Variants in SUMF1 observed in about 807,000 individuals in gnomAD.
SUMF1 encodes sulfatase modifying factor 1.
SUMF1 carries 48 observed loss-of-function variants against 47.6 expected under a neutral mutation model. The ratio of observed to expected loss-of-function variants is 1.01; its 90% CI spans 0.80 to 1.28. SUMF1 has a LOEUF of 1.28. Ranked by LOEUF, SUMF1 falls within the 50% of genes most tolerant of loss-of-function variation. The probability of loss-of-function intolerance (pLI) is 0.00; values close to 1 mark genes in which losing one functional copy is unlikely to be tolerated. For missense variants in SUMF1, 571 were observed against 485.4 expected, an observed-to-expected ratio of 1.18 and a Z score of -1.66; for synonymous variants, 230 against 192.1, an observed-to-expected ratio of 1.20 and a Z score of -1.63.
chr3:4,338,666 C>T (rs1454947286), intron 8 of SUMF1, among the ~76,000 whole-genome samples: 1 of 151,952 alleles, frequency 6.6e-6, no homozygotes, highest in African/African-American at 2.4e-5. Flanking sequence ...AAGGGAAAAA[C>T]CAAAACAAAA....
intron 8 of SUMF1, among the ~76,000 whole-genome samples, chr3:4,277,022 T>C (rs1052882170): frequency 3.3e-5 from 5 of 152,186 alleles, no homozygotes; most frequent in Admixed American, 2.6e-4. Flanking sequence ...CACATCATTT[T>C]AGATCTGGAA....
chr3:4,190,270 T>C (rs1695286900), intron 8 of SUMF1, among the ~76,000 whole-genome samples: 1 of 151,902 alleles, frequency 6.6e-6, no homozygotes, highest in Non-Finnish European at 1.5e-5. Flanking sequence ...GTGAAAACTA[T>C]ATTACATGGC....
intron 8 of SUMF1, among the ~76,000 whole-genome samples, chr3:4,273,293 T>C (rs1239025108): frequency 6.6e-6 from 1 of 152,062 alleles, no homozygotes; most frequent in African/African-American, 2.4e-5. Flanking sequence ...AATTTGTGAA[T>C]GGACAAACAA....
intron 3 of SUMF1, among the ~76,000 whole-genome samples, chr3:4,446,371 C>T (rs187209767): frequency 1.8e-4 from 27 of 152,196 alleles, no homozygotes; most frequent in East Asian, 3.8e-4. Flanking sequence ...CCACGTAAAA[C>T]GTGCATTTGT....
At chr3:4,372,773 C>T (rs748989998) in intron 8 of SUMF1, among the ~76,000 whole-genome samples, 3 of 152,198 alleles carry the variant, frequency 2.0e-5, no homozygotes, top group Non-Finnish European at 4.4e-5. Flanking sequence ...AGATGTAATT[C>T]CCTAATCCAC....
intron 8 of SUMF1, among the ~76,000 whole-genome samples, chr3:4,275,259 T>C (rs1697388336): frequency 6.6e-6 from 1 of 152,102 alleles, no homozygotes; most frequent in African/African-American, 2.4e-5. Flanking sequence ...GTTGAAATAA[T>C]ATGTATTGTC....
intron 8 of SUMF1, among the ~76,000 whole-genome samples, chr3:4,132,412 A>G (rs954316520): frequency 5.3e-5 from 8 of 152,110 alleles, no homozygotes; most frequent in African/African-American, 1.9e-4. Context: ...CAACTAGGTG[A>G]CAATACTTTG....
chr3:4,073,177 T>C (rs1222618501), intron 8 of SUMF1, among the ~76,000 whole-genome samples: 1 of 152,162 alleles, frequency 6.6e-6, no homozygotes, highest in African/African-American at 2.4e-5. Context: ...TGGAAGCCAA[T>C]ATTCAACATT....
At chr3:4,127,372 G>T (rs1240359246) in intron 8 of SUMF1, among the ~76,000 whole-genome samples, 1 of 152,252 alleles carries the variant, frequency 6.6e-6, no homozygotes, top group Middle Eastern at 3.4e-3. Context: ...TGAGGGTGTT[G>T]CCAAAGGAGA....
chr3:4,199,497 A>C (rs958287348), intron 8 of SUMF1, among the ~76,000 whole-genome samples: 3 of 152,136 alleles, frequency 2.0e-5, no homozygotes, highest in Non-Finnish European at 4.4e-5. Context: ...ATAGGAGAGA[A>C]ATTTCTGGGT....
At chr3:4,196,010 A>C (rs1297331155) in intron 8 of SUMF1, among the ~76,000 whole-genome samples, 1 of 152,164 alleles carries the variant, frequency 6.6e-6, no homozygotes, top group Non-Finnish European at 1.5e-5. Flanking sequence ...AATTTAGATC[A>C]TATCAATTAT....
chr3:4,438,589 T>G (rs568897859), intron 3 of SUMF1, among the ~76,000 whole-genome samples: 15 of 152,160 alleles, frequency 9.9e-5, no homozygotes, highest in Non-Finnish European at 1.8e-4. Context: ...CTTAGTAATT[T>G]TTCATCTGAG....
intron 8 of SUMF1, among the ~76,000 whole-genome samples, chr3:4,188,075 C>T (rs562577817): frequency 1.3e-5 from 2 of 152,204 alleles, no homozygotes; most frequent in South Asian, 2.1e-4. Context: ...TCTTAGCTTC[C>T]CGCATTATCA....
At chr3:4,279,956 C>G (rs1697494010) in intron 8 of SUMF1, among the ~76,000 whole-genome samples, 1 of 151,920 alleles carries the variant, frequency 6.6e-6, no homozygotes, top group Non-Finnish European at 1.5e-5. Flanking sequence ...TTAAAGAATC[C>G]TTAAAGCTGT....
At chr3:4,192,349 T>C (rs1397094192) in intron 8 of SUMF1, among the ~76,000 whole-genome samples, 3 of 152,154 alleles carry the variant, frequency 2.0e-5, no homozygotes, top group African/African-American at 4.8e-5. Flanking sequence ...TCTCCATTTA[T>C]AAAATAAGAA....
chr3:4,116,524 T>C (rs1693427696), intron 8 of SUMF1, among the ~76,000 whole-genome samples: 1 of 152,138 alleles, frequency 6.6e-6, no homozygotes, highest in Non-Finnish European at 1.5e-5. Flanking sequence ...AATTTTGAAC[T>C]CAGCGCCTCT....
At chr3:4,365,857 G>C (rs1699935235) in intron 8 of SUMF1, among the ~76,000 whole-genome samples, 1 of 152,042 alleles carries the variant, frequency 6.6e-6, no homozygotes, top group African/African-American at 2.4e-5. Flanking sequence ...GCTGGTACCG[G>C]TTGTTCCTTT....
At chr3:4,417,833 T>C (rs530849479) in intron 5 of SUMF1, among the ~76,000 whole-genome samples, 177 bp downstream of exon 5, 2 of 152,248 alleles carry the variant, frequency 1.3e-5, no homozygotes, top group Non-Finnish European at 2.9e-5. Context: ...TTAGGGGTGA[T>C]AAAAGATTTG....
chr3:4,389,459 T>C (rs746582364), intron 7 of SUMF1, among the ~76,000 whole-genome samples: 4 of 152,166 alleles, frequency 2.6e-5, no homozygotes, highest in African/African-American at 7.2e-5. Flanking sequence ...ATTACCCTCA[T>C]TGGGGTTTGC....
Sources: allele counts gnomAD v4.1 joint callset (sites outside exome capture counted in the v4.1 genomes callset), GRCh38; gene constraint gnomAD v4.1.1; transcripts MANE v1.5; gene names NCBI Gene and HGNC (gene_info 2026-07-23, HGNC 2026-07-21).